Variants in GALNT2 observed in about 807,000 individuals in gnomAD.
GALNT2 encodes the protein polypeptide N-acetylgalactosaminyltransferase 2.
A neutral mutation model predicts 81.4 loss-of-function variants in GALNT2; 31 were observed. The ratio of observed to expected loss-of-function variants is 0.38; its 90% CI spans 0.29 to 0.51. The LOEUF (loss-of-function observed/expected upper bound fraction) is 0.51. GALNT2 is among the 20% of genes least tolerant of loss of function. The pLI, the probability that GALNT2 is intolerant of heterozygous loss-of-function variation, is 0.87. For synonymous variants in GALNT2, 303 were observed against 287.4 expected, an observed-to-expected ratio of 1.05 and a Z score of -0.55; for missense variants, 629 against 765.7, an observed-to-expected ratio of 0.82 and a Z score of 2.11.
At chr1:230,175,999 G>A (rs77875310) in intron 1 of GALNT2, among the ~76,000 whole-genome samples, 3,244 of 152,186 alleles carry the variant, frequency 0.021, 115 homozygotes, top group African/African-American at 0.074. Context: ...TAAAATGCAG[G>A]AATGAGAGAG....
upstream of GALNT2, among the ~76,000 whole-genome samples, chr1:230,064,488 C>T (rs1005878446): frequency 6.6e-6 from 1 of 152,156 alleles, no homozygotes; most frequent in Non-Finnish European, 1.5e-5. Flanking sequence ...ACAACCTTGA[C>T]ACTTGAGGGC....
intron 1 of GALNT2, among the ~76,000 whole-genome samples, chr1:230,118,861 C>T (rs536431274): frequency 6.6e-6 from 1 of 152,272 alleles, no homozygotes; most frequent in East Asian, 1.9e-4. Flanking sequence ...TGTAAGTAGA[C>T]TCAATAGTAT....
chr1:230,244,572 G>A (rs1470302697), intron 7 of GALNT2, among the ~76,000 whole-genome samples: 1 of 151,604 alleles, frequency 6.6e-6, no homozygotes, highest in Non-Finnish European at 1.5e-5. Flanking sequence ...CCATGGCAGT[G>A]TTTGGGTGTG....
At chr1:230,213,589 TA>T (rs1356976185) in intron 3 of GALNT2, among the ~76,000 whole-genome samples, 1 of 152,252 alleles carries the variant, frequency 6.6e-6, no homozygotes, top group Non-Finnish European at 1.5e-5. Flanking sequence ...TGACAATCTT[TA>T]TCTTTTATAT....
At chr1:230,079,329 C>T (rs1218821620) in intron 1 of GALNT2, among the ~76,000 whole-genome samples, 1 of 152,246 alleles carries the variant, frequency 6.6e-6, no homozygotes, top group East Asian at 1.9e-4. Context: ...AGCCATTGCT[C>T]ATTTGTCTTG....
rs1665284109 is a variant in GALNT2, at chr1:230,243,872, G to A, written c.729+445G>A. On this transcript the variant is annotated intron_variant, in intron 7 of 15. Coordinates refer to ENST00000366672, the MANE Select transcript of GALNT2 (RefSeq NM_004481.5). The surrounding 1 kb of genome is among the most constrained non-coding windows in gnomAD (Gnocchi z 4.2). ...CACCTCTCTGCTCTTAGTGAGTAGG[G>A]CAGGTTAGCCCAGCAGGCTTCCAGG... is the stretch of plus-strand genomic sequence containing the variant. Among the ~76,000 whole-genome samples the A allele has an allele frequency of 1.3e-5, 2 of 152,278 alleles. No homozygotes were observed. The highest frequency in any genetic ancestry group is 2.4e-5 in the African/African-American group (1 of 41,566).
intron 1 of GALNT2, among the ~76,000 whole-genome samples, chr1:230,153,493 A>G (rs1273115705): frequency 2.0e-5 from 3 of 152,264 alleles, no homozygotes; most frequent in Non-Finnish European, 4.4e-5. Context: ...AGAAAAAGAA[A>G]AAACACCCAT....
intron 3 of GALNT2, among the ~76,000 whole-genome samples, chr1:230,212,818 G>A (rs1033459332): frequency 3.9e-5 from 6 of 152,066 alleles, no homozygotes; most frequent in African/African-American, 7.2e-5. Context: ...ACCACAGACC[G>A]TTCTTTTTCT....
Position 230,067,297 on chromosome 1 carries a change from G to A in GALNT2, c.17G>A (p.Arg6Gln). The A allele has an allele frequency of 2.9e-6, 4 of 1,365,304 alleles. No individual in the cohort carries two copies. Among genetic ancestry groups the A allele is most frequent in the Non-Finnish European group, 3.8e-6 (4 of 1,045,770 alleles). The allele number at this position is 1,365,304 out of a possible 1,614,324, so 84.6% of individuals were successfully genotyped here. A position where few individuals can be genotyped will look rare whatever the true frequency, so the allele number is the denominator to read the frequency against. MRRRS[R>Q]MLLCFAFLWV... ...GTTGGGAGAATGCGGCGGCGCTCGCGGATGCTGCTCTGCTTCGCCTTCCTG... is the reference window on the plus strand; with the variant it reads ...GTTGGGAGAATGCGGCGGCGCTCGCAGATGCTGCTCTGCTTCGCCTTCCTG... Residue 6 changes from arginine (R) to glutamine (Q), a missense_variant, in exon 1 of 16, where the codon CGG becomes CAG. Physicochemically the swap from Arg to Gln is conservative, Grantham distance 43. Transcript: ENST00000366672.
intron 2 of GALNT2, among the ~76,000 whole-genome samples, chr1:230,190,302 G>T (rs1663479157): frequency 6.6e-6 from 1 of 152,200 alleles, no homozygotes; most frequent in African/African-American, 2.4e-5. Flanking sequence ...GTATACCCAG[G>T]TGGGTGTGCT....
At chr1:230,249,905 C>T (rs991537472) in intron 9 of GALNT2, among the ~76,000 whole-genome samples, 1 of 152,250 alleles carries the variant, frequency 6.6e-6, no homozygotes, top group African/African-American at 2.4e-5. Flanking sequence ...CGCACAGCAT[C>T]GCTTCTGGGA....
chr1:230,198,197 T>G (rs1481443245), intron 2 of GALNT2, among the ~76,000 whole-genome samples: 1 of 152,210 alleles, frequency 6.6e-6, no homozygotes, highest in Non-Finnish European at 1.5e-5. Flanking sequence ...CAGGTGCTTG[T>G]GGACTGCGCA....
intron 2 of GALNT2, among the ~76,000 whole-genome samples, chr1:230,200,873 G>T (rs931652554): frequency 9.9e-5 from 15 of 152,222 alleles, no homozygotes; most frequent in African/African-American, 3.6e-4. Context: ...GTTCCGTGGT[G>T]CAGGGTATTC....
intron 1 of GALNT2, among the ~76,000 whole-genome samples, chr1:230,157,058 A>T (rs1158881480): frequency 6.6e-6 from 1 of 152,200 alleles, no homozygotes; most frequent in Non-Finnish European, 1.5e-5. Context: ...TGCAGGAGTA[A>T]ATAAGACCAT....
At chr1:230,269,284 C>T (rs1235206701) in intron 14 of GALNT2, among the ~76,000 whole-genome samples, 2 of 149,862 alleles carry the variant, frequency 1.3e-5, no homozygotes, top group Admixed American at 1.3e-4. Flanking sequence ...CTCCCAGGTT[C>T]AAGCCATTCT....
chr1:230,265,176 G>A, intron 13 of GALNT2, 65 bp from the exon 14 acceptor site: 2 of 1,609,504 alleles, frequency 1.2e-6, no homozygotes, highest in South Asian at 1.1e-5. Flanking sequence ...CTGAGCAAAG[G>A]GGCTGGTGGA....
intron 3 of GALNT2, among the ~76,000 whole-genome samples, chr1:230,234,026 A>AT (rs1484347562): frequency 1.3e-5 from 2 of 152,214 alleles, no homozygotes; most frequent in Non-Finnish European, 2.9e-5. Flanking sequence ...AACAGAGGTT[A>AT]TTTTATCATG....
At chr1:230,170,705 CTT>C (rs1305651181) in intron 1 of GALNT2, among the ~76,000 whole-genome samples, 1 of 152,186 alleles carries the variant, frequency 6.6e-6, no homozygotes, top group East Asian at 1.9e-4. Flanking sequence ...CTTCAGGAAA[CTT>C]TTCATCATGG....
At chr1:230,223,111 ATGAGGGGCTTAGAAGATATAT>A (rs993902032) in intron 3 of GALNT2, among the ~76,000 whole-genome samples, 3 of 152,164 alleles carry the variant, frequency 2.0e-5, no homozygotes, top group South Asian at 4.1e-4. Context: ...ATTTCTAAGC[ATGAGGGGCTTAGAAGATATAT>A]ATTCATGGAT....
Sources: allele counts gnomAD v4.1 joint callset (sites outside exome capture counted in the v4.1 genomes callset), GRCh38; gene constraint gnomAD v4.1.1; non-coding constraint Gnocchi (gnomAD v3.1); transcripts MANE v1.5; gene names NCBI Gene and HGNC (gene_info 2026-07-23, HGNC 2026-07-21).